Variants in PRKN observed in about 807,000 individuals in gnomAD.
PRKN encodes E3 ubiquitin-protein ligase parkin.
PRKN carries 56 observed loss-of-function variants against 59.5 expected under a neutral mutation model. The ratio of observed to expected loss-of-function variants is 0.94; its 90% CI spans 0.76 to 1.18. The LOEUF (loss-of-function observed/expected upper bound fraction) is 1.18. PRKN is among the 50% of genes most tolerant of loss of function. The pLI is 0.00. For synonymous variants in PRKN, 250 were observed against 222.1 expected (o/e 1.13, Z -1.12); for missense variants, 657 against 596.4 (o/e 1.10, Z -1.06).
At chr6:161,406,121 T>C (rs1787261048) in intron 9 of PRKN, among the ~76,000 whole-genome samples, 1 of 151,676 alleles carries the variant, frequency 6.6e-6, no homozygotes, top group Non-Finnish European at 1.5e-5. Context: ...TATATACACA[T>C]ATATACACAC....
intron 2 of PRKN, among the ~76,000 whole-genome samples, chr6:162,340,134 T>TA (rs1162378141): frequency 2.0e-5 from 2 of 101,604 alleles, no homozygotes; most frequent in African/African-American, 4.9e-5. Context: ...GAATTATCAA[T>TA]AAAAAAATAA....
At chr6:161,931,281 C>CA (rs995440875) in intron 6 of PRKN, among the ~76,000 whole-genome samples, 1 of 151,892 alleles carries the variant, frequency 6.6e-6, no homozygotes, top group Non-Finnish European at 1.5e-5. Flanking sequence ...ACTAAAAATA[C>CA]AAAAAAATTA....
chr6:162,618,873 G>A (rs1420318715), intron 1 of PRKN, among the ~76,000 whole-genome samples: 2 of 152,128 alleles, frequency 1.3e-5, no homozygotes, highest in African/African-American at 2.4e-5. Context: ...AAATGCATTC[G>A]CAGTAAGAGA....
intron 1 of PRKN, among the ~76,000 whole-genome samples, chr6:162,562,159 C>T (rs540315137): frequency 6.6e-6 from 1 of 152,238 alleles, no homozygotes; most frequent in South Asian, 2.1e-4. Context: ...GTTCTAGGCC[C>T]CAGCTACCAG....
chr6:161,496,778 A>T (rs564600907), intron 9 of PRKN, among the ~76,000 whole-genome samples: 1 of 152,206 alleles, frequency 6.6e-6, no homozygotes, highest in Non-Finnish European at 1.5e-5. Context: ...TCAGAAGAAG[A>T]GGAGGGAGAC....
chr6:161,776,368 T>C (rs1394602033), intron 7 of PRKN, among the ~76,000 whole-genome samples: 1 of 152,050 alleles, frequency 6.6e-6, no homozygotes, highest in Non-Finnish European at 1.5e-5. Context: ...TAGGTAAGAG[T>C]TTGTCAGAGG....
At chr6:161,824,141 A>C (rs867885435) in intron 6 of PRKN, among the ~76,000 whole-genome samples, 1 of 152,178 alleles carries the variant, frequency 6.6e-6, no homozygotes, top group African/African-American at 2.4e-5. Flanking sequence ...CTGTGTCCAC[A>C]CACCCACCCA....
chr6:161,528,671 C>T (rs181594778), intron 9 of PRKN, among the ~76,000 whole-genome samples: 12 of 152,186 alleles, frequency 7.9e-5, no homozygotes, highest in African/African-American at 2.6e-4. Flanking sequence ...AAAGTTGTTG[C>T]GAGATACATG....
intron 7 of PRKN, among the ~76,000 whole-genome samples, chr6:161,642,070 G>C (rs962335449): frequency 6.6e-6 from 1 of 152,170 alleles, no homozygotes; most frequent in Non-Finnish European, 1.5e-5. Context: ...CACTACTGTA[G>C]ATTAAATTAT....
intron 3 of PRKN, among the ~76,000 whole-genome samples, chr6:162,262,046 C>A (rs1779910623): frequency 6.6e-6 from 1 of 152,100 alleles, no homozygotes; most frequent in South Asian, 2.1e-4. Context: ...ACACCTTTGA[C>A]TATTTAGATT....
intron 1 of PRKN, among the ~76,000 whole-genome samples, chr6:162,518,821 T>A (rs759143864): frequency 1.3e-5 from 2 of 152,170 alleles, no homozygotes; most frequent in Non-Finnish European, 2.9e-5. Flanking sequence ...CAACACTTCA[T>A]CACAACAAAG....
chr6:161,571,830 C>T (rs1780901023), intron 7 of PRKN, among the ~76,000 whole-genome samples: 1 of 152,150 alleles, frequency 6.6e-6, no homozygotes, highest in Non-Finnish European at 1.5e-5. Context: ...GGCATCGTCC[C>T]ATCCACTGAG....
Position 161,683,914 on chromosome 6 carries a change from T to C in PRKN, c.871+101858A>G, listed in dbSNP as rs1008191305. On this transcript the variant is annotated intron_variant, in intron 7 of 11. Transcript: ENST00000366898. Reference sequence around the variant, plus strand: ...ATATAGGGCTCTGAAATTTAAAAACTGACAAAGGTGACACAAATTCTTCAC... The same window carrying C: ...ATATAGGGCTCTGAAATTTAAAAACCGACAAAGGTGACACAAATTCTTCAC... Among the ~76,000 whole-genome samples the C allele has an allele frequency of 3.5e-4, 54 of 152,262 alleles. 1 individual carries two copies. The highest frequency in any genetic ancestry group is 1.3e-3 in the African/African-American group (53 of 41,546).
In PRKN at chr6:161,576,043, C is replaced by T. The variant is rs1355661791; in HGVS notation, c.872-6627G>A. On this transcript the variant is annotated intron_variant, in intron 7 of 11. Coordinates refer to ENST00000366898, the MANE Select transcript of PRKN (RefSeq NM_004562.3). The surrounding 1 kb of genome is among the most constrained non-coding windows in gnomAD (Gnocchi z 4.6). ...TGGGCGGCTTGCTACTCCAGCTAAGCCAGGTTGATTAGGGTTGCCATACAC... is the reference window on the plus strand; with the variant it reads ...TGGGCGGCTTGCTACTCCAGCTAAGTCAGGTTGATTAGGGTTGCCATACAC... 6.6e-6 allele frequency among the ~76,000 whole-genome samples: 1 copy of T among 152,116 alleles called. No homozygotes were observed. Among genetic ancestry groups the T allele is most frequent in the African/African-American group, 2.4e-5 (1 of 41,426 alleles).
In PRKN at chr6:162,128,519, C is replaced by T. The variant is rs145716767; in HGVS notation, c.534+72612G>A. Among the ~76,000 whole-genome samples the T allele has an allele frequency of 1.2e-4, 18 of 152,122 alleles. No individual in the cohort carries two copies. The East Asian group carries it at 1.4e-3, about 11-fold the overall frequency. On this transcript the variant is annotated intron_variant, in intron 4 of 11. Coordinates refer to ENST00000366898, the MANE Select transcript of PRKN (RefSeq NM_004562.3). ...AGCATCTGTAAGCCATAGCACCAGCCGACTGTACAATCTCACACCTTACTA... is the reference window on the plus strand; with the variant it reads ...AGCATCTGTAAGCCATAGCACCAGCTGACTGTACAATCTCACACCTTACTA...
rs116254491 is a variant in PRKN at position 161,568,215 on chromosome 6, A to C, written c.933+1140T>G. On this transcript the variant is annotated intron_variant, in intron 8 of 11. Coordinates refer to ENST00000366898, the MANE Select transcript of PRKN (RefSeq NM_004562.3). ...ACCAAACAAAAACACACAAACCAAA[A>C]ACTCATTGATGAAAGTGAGCTGCCA... Among the ~76,000 whole-genome samples, 676 of 152,314 alleles carry C rather than the reference A, an allele frequency of 4.4e-3. 4 individuals are homozygous for C. The highest frequency in any genetic ancestry group is 0.016 in the African/African-American group (650 of 41,548).
chr6:161,502,317 A>G lies in PRKN; in HGVS notation c.1083+46537T>C, dbSNP rs1255951348. Among the ~76,000 whole-genome samples, 3 of 152,188 alleles carry G rather than the reference A, an allele frequency of 2.0e-5. No homozygotes were observed. The highest frequency in any genetic ancestry group is 4.4e-5 in the Non-Finnish European group (3 of 68,038). ...GACGCTGTCAACCAAGCCAATAACA[A>G]TATTTTCTCTAAGCTCATGAACAAT... On this transcript the variant is annotated intron_variant, in intron 9 of 11. Transcript: ENST00000366898. This position sits in a 1 kb window ranked among gnomAD's most constrained non-coding sequence, Gnocchi z 4.0.
chr6:161,951,879 G>C (rs1780003218), intron 6 of PRKN, among the ~76,000 whole-genome samples: 1 of 150,358 alleles, frequency 6.7e-6, no homozygotes, highest in Admixed American at 6.6e-5. Context: ...CCAAGATCGA[G>C]CCACTGCCAG....
At chr6:161,973,267 C>T (rs754452026) in intron 6 of PRKN, 35 bp downstream of exon 6, 14 of 1,334,268 alleles carry the variant, frequency 1.0e-5, no homozygotes, top group Admixed American at 3.4e-5. Flanking sequence ...ACCTCACGTC[C>T]GTGGAGGGAA....
Sources: gnomAD v4.1 joint callset for allele counts (sites outside exome capture counted in the v4.1 genomes callset) on GRCh38, gnomAD v4.1.1 for gene constraint, Gnocchi (gnomAD v3.1) non-coding constraint, MANE v1.5 for transcripts, NCBI Gene and HGNC (gene_info 2026-07-23, HGNC 2026-07-21) for gene names.